ROR2: variants seen among roughly 807,000 people sequenced by gnomAD.
ROR2 encodes tyrosine-protein kinase transmembrane receptor ROR2.
A neutral mutation model predicts 74.9 loss-of-function variants in ROR2; 33 were observed. The ratio of observed to expected loss-of-function variants is 0.44; its 90% CI spans 0.33 to 0.59. The LOEUF (loss-of-function observed/expected upper bound fraction) is 0.59. Ranked by LOEUF, ROR2 falls within the 20% of genes least tolerant of loss-of-function variation. ROR2 has a pLI of 0.02. For synonymous variants in ROR2, 586 were observed against 558.7 expected (o/e 1.05, Z -0.69); for missense variants, 1,216 against 1,313.8 (o/e 0.93, Z 1.15).
chr9:91,923,256 G>T (rs1002151249), intron 1 of ROR2, among the ~76,000 whole-genome samples: 1 of 152,226 alleles, frequency 6.6e-6, no homozygotes, highest in Non-Finnish European at 1.5e-5. Flanking sequence ...CTGTGAAGAG[G>T]GAGAGTGTCT....
At chr9:91,813,237 G>A (rs1179505181) in intron 1 of ROR2, among the ~76,000 whole-genome samples, 3 of 152,046 alleles carry the variant, frequency 2.0e-5, no homozygotes, top group African/African-American at 2.4e-5. Context: ...ACGAAATGTC[G>A]ACCTTCTACA....
chr9:91,736,109 A>G (rs1199935596), intron 5 of ROR2, among the ~76,000 whole-genome samples: 1 of 152,202 alleles, frequency 6.6e-6, no homozygotes, highest in Non-Finnish European at 1.5e-5. Flanking sequence ...GTCCTACTTT[A>G]ATGGCAAAGA....
At chr9:91,794,292 C>T (rs957159141) in intron 1 of ROR2, among the ~76,000 whole-genome samples, 2 of 152,224 alleles carry the variant, frequency 1.3e-5, no homozygotes, top group Non-Finnish European at 2.9e-5. Flanking sequence ...CTCAAAACAA[C>T]ACTAAGTTTC....
intron 1 of ROR2, among the ~76,000 whole-genome samples, chr9:91,906,617 T>C (rs1830824690): frequency 6.6e-6 from 1 of 152,232 alleles, no homozygotes. Flanking sequence ...GTTTTGTTCT[T>C]TCGTTGTTGT....
chr9:91,784,144 C>T (rs1008980427), intron 1 of ROR2, among the ~76,000 whole-genome samples: 1 of 152,156 alleles, frequency 6.6e-6, no homozygotes, highest in African/African-American at 2.4e-5. Context: ...CACACCTGTG[C>T]CCTGCGGAGC....
At position 91,741,299 on chromosome 9, in the gene ROR2, A is replaced by AAGT. The variant is rs1279054495; in HGVS notation, c.495-3784_495-3782dup. On this transcript the variant is annotated intron_variant, in intron 4 of 8. Transcript: ENST00000375708. ...TGGTGACAGAGCAAGACTCTGTCTC[A>AAGT]AGTAGTAATAATAATAATAATAATA... Among the ~76,000 whole-genome samples, 12 of 74,086 alleles carry AAGT rather than the reference A, an allele frequency of 1.6e-4. 1 individual carries two copies. The highest frequency in any genetic ancestry group is 1.2e-3 in the South Asian group (2 of 1,640). The allele number at this position is 74,086 out of a possible 152,430, so 48.6% of individuals were successfully genotyped here.
rs41277837 is a variant in ROR2, at chr9:91,724,784, C to T, written c.1710G>A (p.Pro570=). ...DLHEFLVMRS[P]HSDVGSTDDD... ...CATCGGTGCTGCCCACGTCCGAGTGCGGCGAGCGCATGACCAGGAATTCGT... is the reference window on the plus strand; with the variant it reads ...CATCGGTGCTGCCCACGTCCGAGTGTGGCGAGCGCATGACCAGGAATTCGT... Residue 570 remains proline, a synonymous_variant, in exon 9 of 9, where the codon CCG becomes CCA. Transcript: ENST00000375708. 0.037 allele frequency: 59,522 copies of T among 1,611,576 alleles called. 1,234 individuals are homozygous for T. The highest frequency in any genetic ancestry group is 0.044 in the Non-Finnish European group (51,762 of 1,178,058).
chr9:91,948,872 T>G (rs1832086005), intron 1 of ROR2: 1 of 985,254 alleles, frequency 1.0e-6, no homozygotes, highest in South Asian at 4.7e-5. Flanking sequence ...GTGCCGAGAA[T>G]CCGGCCCGAG....
At chr9:91,869,771 T>C (rs11792667) in intron 1 of ROR2, among the ~76,000 whole-genome samples, 6,119 of 152,274 alleles carry the variant, frequency 0.04, 173 homozygotes, top group East Asian at 0.092. Context: ...TGTGTTAAAA[T>C]TCATAGAACT....
chr9:91,900,292 G>A (rs1206933039), intron 1 of ROR2, among the ~76,000 whole-genome samples: 1 of 152,222 alleles, frequency 6.6e-6, no homozygotes, highest in African/African-American at 2.4e-5. Flanking sequence ...GACGCCGCAA[G>A]GGGCTGCAGG....
intron 1 of ROR2, among the ~76,000 whole-genome samples, chr9:91,780,559 C>CT (rs768942417): frequency 6.6e-6 from 1 of 151,772 alleles, no homozygotes; most frequent in Non-Finnish European, 1.5e-5. Flanking sequence ...AGGTCGAGGC[C>CT]TCGGGTGGAT....
intron 1 of ROR2, among the ~76,000 whole-genome samples, chr9:91,851,102 C>T (rs1238969961): frequency 6.6e-6 from 1 of 152,080 alleles, no homozygotes; most frequent in African/African-American, 2.4e-5. Context: ...CCTGTAATCC[C>T]AGCACTTTGG....
chr9:91,932,661 CAAA>C (rs200420615), intron 1 of ROR2, among the ~76,000 whole-genome samples: 2 of 129,654 alleles, frequency 1.5e-5, no homozygotes, highest in Admixed American at 7.6e-5. Context: ...GAGACTGTCT[CAAA>C]AAAAAAAAAG....
intron 1 of ROR2, among the ~76,000 whole-genome samples, chr9:91,904,623 C>A (rs1188376563): frequency 6.6e-6 from 1 of 152,128 alleles, no homozygotes; most frequent in Non-Finnish European, 1.5e-5. Context: ...GAGCAGCCAC[C>A]AACACTATAG....
intron 1 of ROR2, among the ~76,000 whole-genome samples, chr9:91,791,811 T>C (rs1428715363): frequency 6.6e-6 from 1 of 152,198 alleles, no homozygotes; most frequent in Non-Finnish European, 1.5e-5. Context: ...TTCTCCAAGA[T>C]ACTAGGCCTT....
In ROR2 at chr9:91,911,089, G is replaced by T. The variant is rs140466523; in HGVS notation, c.97+38778C>A. On this transcript the variant is annotated intron_variant, in intron 1 of 8. Coordinates refer to ENST00000375708, the MANE Select transcript of ROR2 (RefSeq NM_004560.4). ...CAAACAATACCTGGGACAAAGGAAGGGATCTGGCCGTTGCCAGGCCCATTT... is the reference window on the plus strand; with the variant it reads ...CAAACAATACCTGGGACAAAGGAAGTGATCTGGCCGTTGCCAGGCCCATTT... Among the ~76,000 whole-genome samples the T allele has an allele frequency of 1.6e-4, 25 of 152,312 alleles. No individual in the cohort carries two copies. The East Asian group carries it at 4.8e-3, about 29-fold the overall frequency.
chr9:91,912,921 G>T (rs1831031118), intron 1 of ROR2, among the ~76,000 whole-genome samples: 1 of 152,200 alleles, frequency 6.6e-6, no homozygotes, highest in African/African-American at 2.4e-5. Flanking sequence ...CTGGGGTCAG[G>T]AGTTCAAGAC....
At position 91,724,370 on chromosome 9, in the gene ROR2, C is replaced by A; in HGVS notation, c.2124G>T (p.Arg708=). The A allele has an allele frequency of 6.2e-7, 1 of 1,613,996 alleles. No homozygotes were observed. The highest frequency in any genetic ancestry group is 1.1e-5 in the South Asian group (1 of 91,092). Residue 708 remains arginine, a synonymous_variant, in exon 9 of 9, where the codon CGG becomes CGT. Coordinates refer to ENST00000375708, the MANE Select transcript of ROR2 (RefSeq NM_004560.4). ...AGTCATCGGGGCAAGGCAGCACCTG[C>A]CGGTTCCGGATCATCTCCACCACAT... is the stretch of plus-strand genomic sequence containing the variant. ...NQDVVEMIRN[R]QVLPCPDDCP...
At chr9:91,762,820 T>C (rs1315528015) in intron 2 of ROR2, among the ~76,000 whole-genome samples, 3 of 152,242 alleles carry the variant, frequency 2.0e-5, no homozygotes, top group African/African-American at 7.2e-5. Flanking sequence ...AGCCACAATT[T>C]CCTTATCCAT....
Sources: gnomAD v4.1 joint callset for allele counts (sites outside exome capture counted in the v4.1 genomes callset) on GRCh38, gnomAD v4.1.1 for gene constraint, MANE v1.5 for transcripts, NCBI Gene and HGNC (gene_info 2026-07-23, HGNC 2026-07-21) for gene names.